The following MAD1L1 variants were observed in gnomAD, a reference collection of about 807,000 sequenced individuals.
MAD1L1 encodes the protein mitotic spindle assembly checkpoint protein MAD1.
In MAD1L1, 95 loss-of-function variants were observed where a neutral mutation model predicts 96.9. That is an observed-to-expected ratio of 0.98 (90% CI 0.83 to 1.16). The LOEUF (loss-of-function observed/expected upper bound fraction) is 1.16, where lower values mean the gene tolerates loss of function less well. Among genes scored for constraint, MAD1L1 ranks in the 50% most tolerant of loss-of-function variants. The probability of loss-of-function intolerance (pLI) is 0.00; values close to 1 mark genes in which losing one functional copy is unlikely to be tolerated. For synonymous variants in MAD1L1, 473 were observed against 396.6 expected (o/e 1.19, Z -2.29); for missense variants, 1,007 against 954.4 (o/e 1.06, Z -0.73).
intron 12 of MAD1L1, among the ~76,000 whole-genome samples, chr7:2,037,786 T>A (rs1206074480): frequency 2.6e-5 from 4 of 152,098 alleles, no homozygotes; most frequent in East Asian, 3.9e-4. Flanking sequence ...CTCCCTCTCC[T>A]TGGGCCTCTC....
chr7:2,191,657 G>T (rs1004661623), intron 10 of MAD1L1, among the ~76,000 whole-genome samples: 38 of 152,106 alleles, frequency 2.5e-4, no homozygotes, highest in African/African-American at 8.5e-4. Flanking sequence ...CTTGAGCCCA[G>T]GAGGCAGAGA....
chr7:1,839,561 C>T (rs1037493420), intron 18 of MAD1L1, among the ~76,000 whole-genome samples: 3 of 152,188 alleles, frequency 2.0e-5, no homozygotes, highest in Non-Finnish European at 4.4e-5. Flanking sequence ...GAGAACTGGA[C>T]GCAGATCCAC....
chr7:2,173,367 G>A (rs190178772), intron 10 of MAD1L1, among the ~76,000 whole-genome samples: 3 of 152,226 alleles, frequency 2.0e-5, no homozygotes, highest in East Asian at 1.9e-4. Flanking sequence ...GCTGAGCCCC[G>A]CGTCTAGCTG....
In MAD1L1 at chr7:2,079,990, GAGA is replaced by G. The variant is rs1276192189; in HGVS notation, c.1074-10655_1074-10653del. On this transcript the variant is annotated intron_variant, in intron 11 of 18. Coordinates refer to ENST00000265854, the MANE Select transcript of MAD1L1 (RefSeq NM_001013836.2). The stretch of plus-strand genomic sequence containing the variant: ...ACATCTACCGTCTCCCGAGGTCAGA[GAGA>G]AGGAGACCATCCGTGCGTCCGTCAA... The G allele has an allele frequency of 6.8e-5, 22 of 323,058 alleles. No homozygotes were observed. The East Asian group carries it at 1.4e-3, about 20-fold the overall frequency. 20.0% of individuals were successfully genotyped at this position (323,058 alleles called of 1,614,324 possible).
intron 11 of MAD1L1, among the ~76,000 whole-genome samples, chr7:2,074,747 C>G (rs1785296519): frequency 6.6e-6 from 1 of 152,186 alleles, no homozygotes; most frequent in Non-Finnish European, 1.5e-5. Context: ...AGCTGCGAGG[C>G]AACAACTCAG....
chr7:2,092,315 G>A (rs1297894457), intron 11 of MAD1L1, among the ~76,000 whole-genome samples: 1 of 152,176 alleles, frequency 6.6e-6, no homozygotes, highest in African/African-American at 2.4e-5. Flanking sequence ...CTGGAGTGCA[G>A]TGGTGTGATC....
chr7:1,816,070 C>A lies in MAD1L1; in HGVS notation c.2157G>T (p.Ter719TyrextTer7). ...CCGGCTATGCCCCCGAGCCTGCAGG[C>A]TACGCCACGGTCTGGCGGCTGAAGA... ...LELFSRQTVA[*>Y] Residue 719 changes from the stop codon to tyrosine, a stop_lost, in exon 19 of 19, where the codon TAG (stop) becomes TAT (tyrosine). Transcript: ENST00000265854. 6.2e-7 allele frequency: 1 copy of A among 1,608,762 alleles called. No individual in the cohort carries two copies. The highest frequency in any genetic ancestry group is 8.5e-7 in the Non-Finnish European group (1 of 1,177,548).
At chr7:1,895,697 C>A (rs2128440662) in intron 18 of MAD1L1, among the ~76,000 whole-genome samples, 1 of 152,370 alleles carries the variant, frequency 6.6e-6, no homozygotes, top group South Asian at 2.1e-4. Flanking sequence ...CTGCGGGCAC[C>A]AGGCCTTGCT....
At chr7:2,201,019 A>G (rs767113378) in intron 10 of MAD1L1, among the ~76,000 whole-genome samples, 20 of 152,200 alleles carry the variant, frequency 1.3e-4, no homozygotes, top group Non-Finnish European at 2.4e-4. Flanking sequence ...GGTGCAGGCA[A>G]GACCAGCAGC....
At chr7:1,950,407 C>T (rs1033000884) in intron 16 of MAD1L1, among the ~76,000 whole-genome samples, 7 of 152,368 alleles carry the variant, frequency 4.6e-5, no homozygotes, top group Non-Finnish European at 8.8e-5. Context: ...TGACCTCAGG[C>T]CTCATCAGCA....
At chr7:1,992,698 G>T (rs1250928975) in intron 14 of MAD1L1, among the ~76,000 whole-genome samples, 1 of 152,202 alleles carries the variant, frequency 6.6e-6, no homozygotes, top group Non-Finnish European at 1.5e-5. Context: ...GGGGAAGGCT[G>T]TCTGCCAGGG....
In MAD1L1 at chr7:1,834,369, C is replaced by T. The variant is rs187841924; in HGVS notation, c.1999-18141G>A. Among the ~76,000 whole-genome samples, 712 of 152,196 alleles carry T rather than the reference C, an allele frequency of 4.7e-3. 7 individuals carry two copies. Among genetic ancestry groups the T allele is most frequent in the African/African-American group, 0.016 (673 of 41,554 alleles). On this transcript the variant is annotated intron_variant, in intron 18 of 18. Transcript: ENST00000265854. ...AAAAAGCAGTAGAAATAATAAAACC[C>T]AAAGCTGTTTCTAGCCAGACTGACC... is the stretch of plus-strand genomic sequence containing the variant.
In MAD1L1 at chr7:2,230,063, C is replaced by A. The variant is rs758427190; in HGVS notation, c.71G>T (p.Arg24Leu). 5.6e-6 allele frequency: 9 copies of A among 1,613,266 alleles called. No homozygotes were observed. Among genetic ancestry groups the A allele is most frequent in the Admixed American group, 5.0e-5 (3 of 59,894 alleles). ...ATCCAGTCCAGAGCCTCCCTCCACA[C>A]GCTGAGAGATGAAGTTGTTCAAAGA... ...LRSLNNFISQ[R>L]VEGGSGLDIS... is the part of the protein sequence containing the mutation. The change falls in exon 3 of 19, where the codon CGT becomes CTT. Residue 24 changes from arginine (R) to leucine (L), a missense_variant. Coordinates refer to ENST00000265854, the MANE Select transcript of MAD1L1 (RefSeq NM_001013836.2).
intron 17 of MAD1L1, among the ~76,000 whole-genome samples, chr7:1,901,602 G>T (rs980539505): frequency 5.9e-5 from 9 of 152,258 alleles, no homozygotes; most frequent in Non-Finnish European, 1.5e-5. Context: ...CCGGCTCGCT[G>T]TGTGCTCAAG....
chr7:2,221,050 T>C (rs778642822), intron 5 of MAD1L1: 3 of 1,607,320 alleles, frequency 1.9e-6, no homozygotes, highest in Non-Finnish European at 2.5e-6. Flanking sequence ...AGTCAAGGCC[T>C]AGTGCGCAGG....
At chr7:2,141,844 C>T (rs926774525) in intron 11 of MAD1L1, among the ~76,000 whole-genome samples, 2 of 152,246 alleles carry the variant, frequency 1.3e-5, no homozygotes, top group African/African-American at 4.8e-5. Flanking sequence ...GCCTGGCTCC[C>T]GGGACAGGTG....
intron 18 of MAD1L1, among the ~76,000 whole-genome samples, chr7:1,820,221 AAG>A (rs1406355934): frequency 1.3e-5 from 2 of 149,944 alleles, no homozygotes; most frequent in East Asian, 1.9e-4. Flanking sequence ...GGAAATAAAA[AAG>A]AGAACAGAAT....
At chr7:2,110,529 G>A (rs909277272) in intron 11 of MAD1L1, among the ~76,000 whole-genome samples, 2 of 152,112 alleles carry the variant, frequency 1.3e-5, no homozygotes, top group African/African-American at 4.8e-5. Context: ...ACAGTGATTC[G>A]CTCTGACTCA....
chr7:1,911,571 G>C (rs982639162), intron 17 of MAD1L1, among the ~76,000 whole-genome samples: 2 of 152,238 alleles, frequency 1.3e-5, no homozygotes, highest in Non-Finnish European at 2.9e-5. Context: ...GGGCACATTT[G>C]CCTTCTGCCA....
Sources: gnomAD v4.1 joint callset for allele counts (sites outside exome capture counted in the v4.1 genomes callset) on GRCh38, gnomAD v4.1.1 for gene constraint, MANE v1.5 for transcripts, NCBI Gene and HGNC (gene_info 2026-07-23, HGNC 2026-07-21) for gene names.